DBH: variants seen among roughly 807,000 people sequenced by gnomAD.
DBH encodes the protein dopamine beta-hydroxylase (dopamine beta-monooxygenase).
Under a neutral mutation model 64.0 loss-of-function variants are expected in DBH, and 49 were observed. That is an observed-to-expected ratio of 0.77 (90% CI 0.61 to 0.97). The LOEUF (loss-of-function observed/expected upper bound fraction) is 0.97. Among genes scored for constraint, DBH ranks in the 50% least tolerant of loss-of-function variants. The probability of loss-of-function intolerance (pLI) is 0.00; values close to 1 mark genes in which losing one functional copy is unlikely to be tolerated. For missense variants in DBH, 828 were observed against 826.6 expected (o/e 1.00, Z -0.02); for synonymous variants, 343 against 347.1 (o/e 0.99, Z 0.13).
chr9:133,644,769 G>A (rs1416527476), intron 5 of DBH, among the ~76,000 whole-genome samples: 2 of 152,174 alleles, frequency 1.3e-5, no homozygotes, highest in South Asian at 2.1e-4. Context: ...GTGCAGGGAC[G>A]GGAAGGGGAG....
chr9:133,644,786 C>T (rs913745349), intron 5 of DBH, among the ~76,000 whole-genome samples: 2 of 152,180 alleles, frequency 1.3e-5, no homozygotes, highest in Non-Finnish European at 2.9e-5. Flanking sequence ...GGAGCTGGGG[C>T]AGCTGCTGTT....
intron 9 of DBH, chr9:133,656,253 C>T: frequency 2.2e-6 from 1 of 451,704 alleles, no homozygotes; most frequent in South Asian, 2.1e-5. Context: ...GGCACAATAA[C>T]ACCCCATCCG....
rs1832096476 is a variant in DBH, at chr9:133,639,908, G to A, written c.402G>A (p.Leu134=). ...HLDPQQDYQL[L]QVQRTPEGLT... ...ATCCCCAGCAGGACTACCAGCTGCT[G>A]CAGGTGCAGAGGACCCCAGAAGGCC... The change falls in exon 2 of 12, where the codon CTG becomes CTA. Residue 134 remains leucine (L), a synonymous_variant. Coordinates refer to ENST00000393056, the MANE Select transcript of DBH (RefSeq NM_000787.4). The A allele has an allele frequency of 2.5e-6, 4 of 1,613,430 alleles. No individual in the cohort carries two copies. The highest frequency in any genetic ancestry group is 3.4e-6 in the Non-Finnish European group (4 of 1,179,870).
chr9:133,646,744 G>A (rs571571941), intron 5 of DBH, among the ~76,000 whole-genome samples: 17 of 152,078 alleles, frequency 1.1e-4, no homozygotes, highest in Non-Finnish European at 1.9e-4. Context: ...GGCTGGTCTC[G>A]AACTCCCAAC....
intron 5 of DBH, among the ~76,000 whole-genome samples, chr9:133,644,968 T>C (rs4059244): frequency 5.0e-5 from 2 of 39,746 alleles, no homozygotes; most frequent in South Asian, 8.5e-4. Flanking sequence ...CACACACACA[T>C]GCACACATGT....
intron 9 of DBH, 152 bp from the exon 10 acceptor site, chr9:133,656,371 T>G (rs569497124): frequency 3.0e-6 from 3 of 1,014,144 alleles, no homozygotes; most frequent in African/African-American, 3.2e-5. Flanking sequence ...GGCAATTCCT[T>G]GAGGGCAGGG....
At position 133,657,097 on chromosome 9, in the gene DBH, C is replaced by G. The variant is rs772063121; in HGVS notation, c.1590C>G (p.Cys530Trp). Reference protein sequence around the residue: ...NRFNNEDVCTCPQASVSQQFT... With the variant: ...NRFNNEDVCTWPQASVSQQFT... ...TCAACAACGAGGATGTCTGCACCTG[C>G]CCTCAGGCGTCCGTGTCTCAGCAGT... The change falls in exon 11 of 12, where the codon TGC (cysteine) becomes TGG (tryptophan). Residue 530 changes from cysteine to tryptophan, a missense_variant. Transcript: ENST00000393056. The G allele has an allele frequency of 6.2e-7, 1 of 1,614,032 alleles. No individual in the cohort carries two copies. Among genetic ancestry groups the G allele is most frequent in the South Asian group, 1.1e-5 (1 of 91,084 alleles).
At position 133,643,362 on chromosome 9, in the gene DBH, A is replaced by AGG; in HGVS notation, c.745-48_745-47dup. 1 of 1,389,758 alleles carries AGG rather than the reference A, an allele frequency of 7.2e-7. No individual in the cohort carries two copies. Among genetic ancestry groups the AGG allele is most frequent in the East Asian group, 3.1e-5 (1 of 32,338 alleles). 86.1% of individuals were successfully genotyped at this position (1,389,758 alleles called of 1,614,324 possible). ...AGCCCATGGAGGAGGGCTGCTGGGGAGGGGAGGGTGGGCGGCCGGTTCCCG... is the reference window on the plus strand; with the variant it reads ...AGCCCATGGAGGAGGGCTGCTGGGGAGGGGGGAGGGTGGGCGGCCGGTTCCCG... On this transcript the variant is annotated intron_variant, in intron 3 of 11. Transcript: ENST00000393056. The surrounding 1 kb of genome is among the most constrained non-coding windows in gnomAD (Gnocchi z 5.3).
chr9:133,643,538 C>T lies in DBH; in HGVS notation c.870C>T (p.Asp290=). The T allele has an allele frequency of 2.5e-6, 4 of 1,613,672 alleles. No individual in the cohort carries two copies. Among genetic ancestry groups the T allele is most frequent in the Non-Finnish European group, 3.4e-6 (4 of 1,179,950 alleles). The change falls in exon 4 of 12, where the codon GAC becomes GAT. Residue 290 remains aspartate, a synonymous_variant. Transcript: ENST00000393056. This position sits in a 1 kb window ranked among gnomAD's most constrained non-coding sequence, Gnocchi z 5.3. ...CCTGCGACTCCAAGATGAAACCCGA[C>T]CGCCTCAACTACTGCCGCCACGTGC... is the stretch of plus-strand genomic sequence containing the variant. ...SGPCDSKMKP[D]RLNYCRHVLA... is the part of the protein sequence containing the mutation.
In DBH at chr9:133,658,687, G is replaced by A. The variant is rs995522215; in HGVS notation, c.*240G>A. ...CCTGGACCGAGTGGACCACGACCTC[G>A]TCCATTTAAACCCGGCTGACTCAGT... is the stretch of plus-strand genomic sequence containing the variant. On this transcript the variant is annotated 3_prime_UTR_variant, in exon 12 of 12. Transcript: ENST00000393056. 1.7e-5 allele frequency: 7 copies of A among 421,622 alleles called. No homozygotes were observed. The highest frequency in any genetic ancestry group is 1.2e-4 in the South Asian group (2 of 16,974). 26.1% of individuals were successfully genotyped at this position (421,622 alleles called of 1,614,324 possible). A position where few individuals can be genotyped will look rare whatever the true frequency, so the allele number is the denominator to read the frequency against.
At chr9:133,647,554 T>C (rs142419418) in intron 5 of DBH, among the ~76,000 whole-genome samples, 84 of 152,348 alleles carry the variant, frequency 5.5e-4, no homozygotes, top group Middle Eastern at 3.4e-3. Flanking sequence ...GTGGCTCACG[T>C]TGATCACATC....
chr9:133,646,154 TA>T (rs1309369639), intron 5 of DBH, among the ~76,000 whole-genome samples: 1 of 152,222 alleles, frequency 6.6e-6, no homozygotes, highest in South Asian at 2.1e-4. Flanking sequence ...TAGAATTTTA[TA>T]TCTTTTTTTT....
At position 133,644,453 on chromosome 9, in the gene DBH, C is replaced by T. The variant is rs563985615; in HGVS notation, c.1024+133C>T. ...AGCTCCTCTTGGCACGAGGCCCTTG[C>T]GTCTGCCTCATCCGCTGTCCATCTT... is the stretch of plus-strand genomic sequence containing the variant. On this transcript the variant is annotated intron_variant, in intron 5 of 11. Transcript: ENST00000393056. 3.5e-4 allele frequency: 271 copies of T among 770,084 alleles called. 3 individuals carry two copies. Among genetic ancestry groups the T allele is most frequent in the South Asian group, 3.0e-3 (209 of 68,790 alleles). The allele number at this position is 770,084 out of a possible 1,614,324, so 47.7% of individuals were successfully genotyped here.
intron 9 of DBH, chr9:133,655,359 A>C (rs1307423564): frequency 6.6e-6 from 1 of 152,170 alleles, no homozygotes; most frequent in Non-Finnish European, 1.5e-5. Context: ...TTCCCTTTTG[A>C]TGTCTGTGGT....
chr9:133,650,503 T>A (rs569805712), intron 6 of DBH, among the ~76,000 whole-genome samples: 1 of 148,108 alleles, frequency 6.8e-6, no homozygotes, highest in African/African-American at 2.5e-5. Context: ...TTCTTTCCTT[T>A]CTTTCTTTCC....
intron 9 of DBH, among the ~76,000 whole-genome samples, chr9:133,654,058 T>A (rs1395313232): frequency 6.6e-6 from 1 of 152,232 alleles, no homozygotes; most frequent in African/African-American, 2.4e-5. Context: ...TAATCCAATG[T>A]GGATTCACCT....
At position 133,643,500 on chromosome 9, in the gene DBH, C is replaced by G. The variant is rs867584612; in HGVS notation, c.832C>G (p.His278Asp). 1.2e-6 allele frequency: 2 copies of G among 1,613,744 alleles called. No individual in the cohort carries two copies. The highest frequency in any genetic ancestry group is 2.2e-5 in the East Asian group (1 of 44,864). The change falls in exon 4 of 12, where the codon CAC (histidine) becomes GAC (aspartate). Residue 278 changes from histidine to aspartate, a missense_variant. Transcript: ENST00000393056. The surrounding 1 kb of genome is among the most constrained non-coding windows in gnomAD (Gnocchi z 5.3). ...QCAPEMDSVP[H>D]FSGPCDSKMK... ...CGCCCCCGAGATGGACAGCGTCCCC[C>G]ACTTCAGCGGGCCCTGCGACTCCAA...
intron 5 of DBH, among the ~76,000 whole-genome samples, chr9:133,646,576 G>A (rs1451879215): frequency 6.6e-6 from 1 of 152,216 alleles, no homozygotes; most frequent in Admixed American, 6.5e-5. Flanking sequence ...CCAGGCTGGA[G>A]TGCAATGCAC....
intron 1 of DBH, among the ~76,000 whole-genome samples, chr9:133,638,258 T>C (rs1832075536): frequency 6.6e-6 from 1 of 152,258 alleles, no homozygotes; most frequent in Non-Finnish European, 1.5e-5. Flanking sequence ...CAGGCGAACT[T>C]TCTGCCTCTG....
Sources: gnomAD v4.1 joint callset for allele counts (sites outside exome capture counted in the v4.1 genomes callset) on GRCh38, gnomAD v4.1.1 for gene constraint, Gnocchi (gnomAD v3.1) non-coding constraint, MANE v1.5 for transcripts, NCBI Gene and HGNC (gene_info 2026-07-23, HGNC 2026-07-21) for gene names.